The following RNF216 variants were observed in gnomAD, a reference collection of about 807,000 sequenced individuals.
The protein encoded by RNF216 is E3 ubiquitin-protein ligase RNF216.
In RNF216, 72 loss-of-function variants were observed where a neutral mutation model predicts 110.8. That is an observed-to-expected ratio of 0.65 (90% CI 0.54 to 0.79). The LOEUF (loss-of-function observed/expected upper bound fraction) is 0.79. Among genes scored for constraint, RNF216 ranks in the 30% least tolerant of loss-of-function variants. RNF216 has a pLI of 0.00. For missense variants in RNF216, 1,342 were observed against 1,141.2 expected (o/e 1.18, Z -2.54); for synonymous variants, 495 against 407.5 (o/e 1.21, Z -2.59).
At chr7:5,654,341 C>G (rs551480919) in intron 13 of RNF216, among the ~76,000 whole-genome samples, 1 of 152,054 alleles carries the variant, frequency 6.6e-6, no homozygotes, top group East Asian at 1.9e-4. Context: ...GAACAGAATG[C>G]TGAGGGAGCT....
At chr7:5,673,236 A>C (rs1235378717) in intron 13 of RNF216, among the ~76,000 whole-genome samples, 1 of 152,218 alleles carries the variant, frequency 6.6e-6, no homozygotes, top group Non-Finnish European at 1.5e-5. Context: ...ATGAAGCCAC[A>C]AGGTGTACAG....
chr7:5,730,656 A>G, intron 6 of RNF216, 59 bp downstream of exon 6: 1 of 1,599,188 alleles, frequency 6.3e-7, no homozygotes, highest in African/African-American at 1.4e-5. Context: ...AACAACAACA[A>G]CAACAACAAA....
chr7:5,742,559 C>A (rs1794817446), intron 3 of RNF216, among the ~76,000 whole-genome samples: 1 of 149,080 alleles, frequency 6.7e-6, no homozygotes, highest in Admixed American at 6.7e-5. Context: ...TAGATAATAC[C>A]AAGCATTGGT....
chr7:5,778,231 C>T (rs188460667), intron 1 of RNF216, among the ~76,000 whole-genome samples: 71 of 152,294 alleles, frequency 4.7e-4, no homozygotes, highest in Non-Finnish European at 7.8e-4. Flanking sequence ...TCAGTAGTAA[C>T]AATGGTTCAG....
intron 13 of RNF216, among the ~76,000 whole-genome samples, chr7:5,699,973 G>A (rs866703326): frequency 2.6e-5 from 4 of 152,180 alleles, no homozygotes; most frequent in South Asian, 2.1e-4. Context: ...TGAATTCAAG[G>A]ATAAACACAA....
intron 3 of RNF216, among the ~76,000 whole-genome samples, chr7:5,744,745 G>C (rs1313480903): frequency 1.3e-5 from 2 of 152,210 alleles, no homozygotes; most frequent in Admixed American, 6.5e-5. Context: ...GCCTGAGGCA[G>C]ATGGATCACC....
intron 15 of RNF216, among the ~76,000 whole-genome samples, chr7:5,639,314 G>C (rs1787589046): frequency 6.6e-6 from 1 of 152,190 alleles, no homozygotes; most frequent in East Asian, 1.9e-4. Flanking sequence ...GTAGAATGCT[G>C]GAAGCAACTG....
intron 1 of RNF216, among the ~76,000 whole-genome samples, chr7:5,774,663 G>C (rs1445659298): frequency 6.6e-6 from 1 of 151,972 alleles, no homozygotes; most frequent in Non-Finnish European, 1.5e-5. Flanking sequence ...CATCAAAATA[G>C]CTGCATTGTA....
At chr7:5,718,418 C>T (rs1385763836) in intron 9 of RNF216, among the ~76,000 whole-genome samples, 1 of 152,160 alleles carries the variant, frequency 6.6e-6, no homozygotes, top group African/African-American at 2.4e-5. Flanking sequence ...AGGGACAGCA[C>T]AAAAGCTAGA....
chr7:5,748,611 TACAC>T (rs10588945), intron 3 of RNF216, among the ~76,000 whole-genome samples: 39,831 of 142,800 alleles, frequency 0.28, 5,476 homozygotes, highest in Non-Finnish European at 0.32. Context: ...TTTATATACA[TACAC>T]ACACACACAC....
chr7:5,712,411 T>C (rs2128629995), intron 12 of RNF216, among the ~76,000 whole-genome samples: 1 of 151,730 alleles, frequency 6.6e-6, no homozygotes, highest in Non-Finnish European at 1.5e-5. Flanking sequence ...AGGCGGAGGT[T>C]GTAGTGAGCC....
At chr7:5,685,290 A>T (rs1309566779) in intron 13 of RNF216, among the ~76,000 whole-genome samples, 1 of 152,066 alleles carries the variant, frequency 6.6e-6, no homozygotes, top group African/African-American at 2.4e-5. Flanking sequence ...GAGCCTCTTG[A>T]TCTCCTCCAT....
chr7:5,732,074 C>T (rs1481066326), intron 5 of RNF216, among the ~76,000 whole-genome samples: 1 of 152,192 alleles, frequency 6.6e-6, no homozygotes, highest in African/African-American at 2.4e-5. Flanking sequence ...GTCCACGGAA[C>T]ACAACGCCTG....
intron 15 of RNF216, among the ~76,000 whole-genome samples, chr7:5,629,609 A>G (rs1786933223): frequency 6.6e-6 from 1 of 152,014 alleles, no homozygotes; most frequent in Admixed American, 6.6e-5. Flanking sequence ...CGGGCGGATC[A>G]CGACGTCAGG....
intron 13 of RNF216, among the ~76,000 whole-genome samples, chr7:5,700,104 C>A (rs954560234): frequency 3.3e-5 from 5 of 152,282 alleles, no homozygotes; most frequent in African/African-American, 9.6e-5. Flanking sequence ...CAGACACCCA[C>A]GGGGACAGGG....
In RNF216 at chr7:5,658,923, A is replaced by G. The variant is rs187576866; in HGVS notation, c.2062-6413T>C. ...GCCATGGAGGAGGCCTGGAGAGTGC[A>G]GCAATGTGTCGGAGTTATGTTTCAG... On this transcript the variant is annotated intron_variant, in intron 13 of 16. Coordinates refer to ENST00000389902, the MANE Select transcript of RNF216 (RefSeq NM_207111.4). 9.8e-5 allele frequency among the ~76,000 whole-genome samples: 15 copies of G among 152,288 alleles called. No individual in the cohort carries two copies. The Middle Eastern group carries it at 0.01, about 104-fold the overall frequency.
intron 13 of RNF216, among the ~76,000 whole-genome samples, chr7:5,693,641 T>A (rs952140252): frequency 6.6e-6 from 1 of 152,186 alleles, no homozygotes; most frequent in Non-Finnish European, 1.5e-5. Context: ...TTAGAGGAAG[T>A]AAGAAGGGAA....
intron 13 of RNF216, among the ~76,000 whole-genome samples, chr7:5,704,073 G>A (rs1187110458): frequency 1.3e-5 from 2 of 152,146 alleles, no homozygotes; most frequent in Admixed American, 6.6e-5. Flanking sequence ...ACACAAGGGA[G>A]CTGAGAGCCT....
chr7:5,637,225 G>T (rs1290245347), intron 15 of RNF216, among the ~76,000 whole-genome samples: 1 of 152,228 alleles, frequency 6.6e-6, no homozygotes, highest in Non-Finnish European at 1.5e-5. Context: ...ACAGGGGCAC[G>T]GCCTGCCTTG....
Sources: gnomAD v4.1 joint callset for allele counts (sites outside exome capture counted in the v4.1 genomes callset) on GRCh38, gnomAD v4.1.1 for gene constraint, MANE v1.5 for transcripts, NCBI Gene and HGNC (gene_info 2026-07-23, HGNC 2026-07-21) for gene names.